Variants in NYAP2 observed in about 807,000 individuals in gnomAD.
NYAP2 encodes neuronal tyrosine-phosphorylated phosphoinositide-3-kinase adaptor 2.
In NYAP2, 23 loss-of-function variants were observed where a neutral mutation model predicts 50.4. The ratio of observed to expected loss-of-function variants is 0.46; its 90% CI spans 0.33 to 0.65. The LOEUF (loss-of-function observed/expected upper bound fraction) is 0.65, where lower values mean the gene tolerates loss of function less well. Ranked by LOEUF, NYAP2 falls within the 30% of genes least tolerant of loss-of-function variation. NYAP2 has a pLI of 0.02. For missense variants in NYAP2, 885 were observed against 861.0 expected (o/e 1.03, Z -0.35); for synonymous variants, 394 against 365.2 (o/e 1.08, Z -0.90).
the NYAP2 span, among the ~76,000 whole-genome samples, chr2:225,682,593 C>A: frequency 6.6e-6 from 1 of 152,144 alleles, no homozygotes. Flanking sequence ...GGAGACTTGT[C>A]ATTACGGTTT....
intron 4 of NYAP2, among the ~76,000 whole-genome samples, chr2:225,525,725 G>A (rs1574658718): frequency 6.6e-6 from 1 of 152,092 alleles, no homozygotes; most frequent in Non-Finnish European, 1.5e-5. Context: ...CACAGATCTT[G>A]GTTTCATATC....
chr2:225,528,454 C>A (rs985377717), intron 4 of NYAP2, among the ~76,000 whole-genome samples: 5 of 152,128 alleles, frequency 3.3e-5, no homozygotes, highest in African/African-American at 4.8e-5. Flanking sequence ...AATCTCATTT[C>A]CTTTGGCTTC....
chr2:225,538,009 T>C (rs1691381955), intron 4 of NYAP2, among the ~76,000 whole-genome samples: 2 of 152,230 alleles, frequency 1.3e-5, no homozygotes, highest in South Asian at 4.1e-4. Context: ...CTCCTTTTAC[T>C]TCATGCATCA....
intron 3 of NYAP2, among the ~76,000 whole-genome samples, chr2:225,416,715 T>C (rs1184652452): frequency 2.0e-5 from 3 of 152,162 alleles, no homozygotes; most frequent in Non-Finnish European, 2.9e-5. Context: ...TTTTGGTTGT[T>C]TTGACTTTAA....
At chr2:225,515,553 CAG>C (rs1690914855) in intron 4 of NYAP2, among the ~76,000 whole-genome samples, 1 of 152,046 alleles carries the variant, frequency 6.6e-6, no homozygotes, top group African/African-American at 2.4e-5. Flanking sequence ...TCTCATGATT[CAG>C]AGTTATCAGT....
At chr2:225,471,550 A>G (rs1458901158) in intron 3 of NYAP2, among the ~76,000 whole-genome samples, 2 of 152,230 alleles carry the variant, frequency 1.3e-5, no homozygotes, top group Admixed American at 6.5e-5. Flanking sequence ...ACATATAGTA[A>G]CATATTAACA....
At chr2:225,606,840 A>G (rs1263699917) in intron 5 of NYAP2, among the ~76,000 whole-genome samples, 2 of 152,088 alleles carry the variant, frequency 1.3e-5, no homozygotes, top group Non-Finnish European at 2.9e-5. Flanking sequence ...TTTATTCTGT[A>G]TATAACATTG....
chr2:225,459,298 A>T (rs1362970946), intron 3 of NYAP2, among the ~76,000 whole-genome samples: 2 of 152,182 alleles, frequency 1.3e-5, no homozygotes, highest in African/African-American at 4.8e-5. Context: ...CAGTGTTGAC[A>T]TTGGGATTTA....
chr2:225,572,293 A>G (rs1329622857), intron 4 of NYAP2, among the ~76,000 whole-genome samples: 2 of 152,156 alleles, frequency 1.3e-5, no homozygotes, highest in African/African-American at 4.8e-5. Context: ...TTACCAATTT[A>G]CTGTATTAAT....
chr2:225,526,398 G>T (rs1014675467), intron 4 of NYAP2, among the ~76,000 whole-genome samples: 1 of 152,176 alleles, frequency 6.6e-6, no homozygotes, highest in African/African-American at 2.4e-5. Context: ...TCAGGTAGGG[G>T]AGGGTGGTTA....
intron 3 of NYAP2, among the ~76,000 whole-genome samples, chr2:225,480,550 A>G (rs970915827): frequency 5.9e-5 from 9 of 152,122 alleles, no homozygotes; most frequent in Non-Finnish European, 1.2e-4. Flanking sequence ...ATATTGAGGC[A>G]CAAAAATGCA....
At chr2:225,477,235 T>TC (rs1320618572) in intron 3 of NYAP2, among the ~76,000 whole-genome samples, 7 of 136,806 alleles carry the variant, frequency 5.1e-5, no homozygotes, top group South Asian at 2.5e-4. Context: ...CTATTTCTTT[T>TC]TTTTTTTTTT....
At chr2:225,691,296 C>T in the NYAP2 span, among the ~76,000 whole-genome samples, 3 of 151,960 alleles carry the variant, frequency 2.0e-5, no homozygotes, top group Non-Finnish European at 2.9e-5. Flanking sequence ...GTAGACAGTA[C>T]GTCAACAAAT....
intron 5 of NYAP2, among the ~76,000 whole-genome samples, chr2:225,625,041 C>T (rs76932240): frequency 1.2e-4 from 5 of 42,398 alleles, no homozygotes; most frequent in Non-Finnish European, 1.3e-4. Context: ...TTAACCCAAG[C>T]GTAAAAAAAA....
chr2:225,513,734 A>C, intron 4 of NYAP2, 62 bp downstream of exon 4: 1 of 1,342,004 alleles, frequency 7.5e-7, no homozygotes, highest in Non-Finnish European at 9.8e-7. Context: ...TCAGGTCAGC[A>C]TGCCCAGGGG....
At chr2:225,548,005 A>C (rs1691613796) in intron 4 of NYAP2, among the ~76,000 whole-genome samples, 1 of 152,096 alleles carries the variant, frequency 6.6e-6, no homozygotes, top group South Asian at 2.1e-4. Context: ...TCATTTATTT[A>C]AAAAGAAAGT....
chr2:225,592,597 T>TA (rs1438569292), intron 5 of NYAP2, among the ~76,000 whole-genome samples: 1 of 152,238 alleles, frequency 6.6e-6, no homozygotes, highest in Non-Finnish European at 1.5e-5. Context: ...AAATAGAGTA[T>TA]AAGTAAAATT....
At chr2:225,494,223 T>C (rs1349347704) in intron 3 of NYAP2, among the ~76,000 whole-genome samples, 1 of 152,242 alleles carries the variant, frequency 6.6e-6, no homozygotes, top group Non-Finnish European at 1.5e-5. Context: ...ATCACTGTCC[T>C]TCACTGAGCA....
At chr2:225,588,719 G>T (rs1422148137) in intron 5 of NYAP2, among the ~76,000 whole-genome samples, 1 of 152,150 alleles carries the variant, frequency 6.6e-6, no homozygotes, top group Non-Finnish European at 1.5e-5. Flanking sequence ...GGCTGTCTTG[G>T]TAACTCAGGG....
Sources: gnomAD v4.1 joint callset for allele counts (sites outside exome capture counted in the v4.1 genomes callset) on GRCh38, gnomAD v4.1.1 for gene constraint, MANE v1.5 for transcripts, NCBI Gene and HGNC (gene_info 2026-07-23, HGNC 2026-07-21) for gene names.